SV2C: variants seen among roughly 807,000 people sequenced by gnomAD.
SV2C encodes solute carrier family 22 member B3.
Under a neutral mutation model 79.7 loss-of-function variants are expected in SV2C, and 49 were observed. The ratio of observed to expected loss-of-function variants is 0.61; its 90% CI spans 0.49 to 0.78. The LOEUF is 0.78. Ranked by LOEUF, SV2C falls within the 30% of genes least tolerant of loss-of-function variation. The probability of loss-of-function intolerance (pLI) is 0.00; values close to 1 mark genes in which losing one functional copy is unlikely to be tolerated. For missense variants in SV2C, 833 were observed against 912.9 expected, an observed-to-expected ratio of 0.91 and a Z score of 1.13; for synonymous variants, 334 against 333.2, an observed-to-expected ratio of 1.00 and a Z score of -0.03.
At chr5:76,178,156 G>A (rs1361779981) in intron 2 of SV2C, among the ~76,000 whole-genome samples, 1 of 152,188 alleles carries the variant, frequency 6.6e-6, no homozygotes, top group Non-Finnish European at 1.5e-5. Flanking sequence ...AAGTGCTATG[G>A]TAGACAAGGT....
At chr5:75,957,477 G>C in the SV2C span, among the ~76,000 whole-genome samples, 1 of 152,020 alleles carries the variant, frequency 6.6e-6, no homozygotes, top group Non-Finnish European at 1.5e-5. Flanking sequence ...TCTGGTGACT[G>C]TCTTATCTCC....
chr5:75,968,784 A>C, the SV2C span, among the ~76,000 whole-genome samples: 1 of 152,240 alleles, frequency 6.6e-6, no homozygotes, highest in East Asian at 1.9e-4. Context: ...TCCCCAACCT[A>C]TCAAAGTAGG....
chr5:76,144,724 C>T (rs1000124130), intron 2 of SV2C, among the ~76,000 whole-genome samples: 3 of 152,156 alleles, frequency 2.0e-5, no homozygotes, highest in African/African-American at 7.2e-5. Flanking sequence ...AGATGAGAAC[C>T]TTTTAAAGGG....
chr5:75,864,541 G>A, the SV2C span, among the ~76,000 whole-genome samples: 1 of 152,154 alleles, frequency 6.6e-6, no homozygotes, highest in South Asian at 2.1e-4. Flanking sequence ...CTGGGTCCCT[G>A]AAACAAGGAC....
chr5:76,057,190 T>G, the SV2C span, among the ~76,000 whole-genome samples: 1 of 152,192 alleles, frequency 6.6e-6, no homozygotes, highest in Non-Finnish European at 1.5e-5. Flanking sequence ...TCTAATACAG[T>G]GTCTCTTTGT....
At chr5:76,096,385 T>C (rs1239656191) in intron 1 of SV2C, among the ~76,000 whole-genome samples, 8 of 152,200 alleles carry the variant, frequency 5.3e-5, no homozygotes, top group Admixed American at 5.2e-4. Context: ...TGCCACATCA[T>C]GCTGCTTACA....
intron 2 of SV2C, among the ~76,000 whole-genome samples, chr5:76,180,459 C>T (rs557574574): frequency 3.0e-4 from 45 of 152,312 alleles, no homozygotes; most frequent in Non-Finnish European, 5.3e-4. Context: ...ATTACATCTG[C>T]GGCTGTGGTT....
intron 3 of SV2C, among the ~76,000 whole-genome samples, chr5:76,202,439 C>T (rs1308347616): frequency 1.3e-5 from 2 of 152,134 alleles, no homozygotes; most frequent in Non-Finnish European, 2.9e-5. Context: ...GTTTCATACC[C>T]AGGCAGTCTG....
chr5:76,058,220 G>A, the SV2C span, among the ~76,000 whole-genome samples: 113 of 152,212 alleles, frequency 7.4e-4, no homozygotes, highest in Middle Eastern at 6.8e-3. Context: ...CTACACCTGA[G>A]CTTCCTTAAT....
the SV2C span, among the ~76,000 whole-genome samples, chr5:76,063,297 T>C: frequency 6.6e-6 from 1 of 152,150 alleles, no homozygotes; most frequent in Non-Finnish European, 1.5e-5. Flanking sequence ...TAGGAATTCT[T>C]TCCTCATTTT....
the SV2C span, among the ~76,000 whole-genome samples, chr5:75,864,134 G>C: frequency 2.6e-5 from 4 of 152,048 alleles, no homozygotes; most frequent in African/African-American, 9.7e-5. Flanking sequence ...TCATGGTTAT[G>C]ATTTATTGGA....
the SV2C span, among the ~76,000 whole-genome samples, chr5:75,962,610 T>G: frequency 6.6e-6 from 1 of 152,128 alleles, no homozygotes; most frequent in South Asian, 2.1e-4. Context: ...TCATCCAGGT[T>G]TACATCTACT....
At chr5:76,048,824 A>T in the SV2C span, among the ~76,000 whole-genome samples, 11 of 119,170 alleles carry the variant, frequency 9.2e-5, no homozygotes, top group South Asian at 6.2e-4. Flanking sequence ...AAAAAAAAAA[A>T]AATTTTGGGG....
At chr5:75,902,259 C>G in the SV2C span, among the ~76,000 whole-genome samples, 8,974 of 152,240 alleles carry the variant, frequency 0.059, 317 homozygotes, top group Admixed American at 0.083. Flanking sequence ...TTCTTAACCA[C>G]TTGCTTTTGA....
upstream of SV2C, chr5:76,079,624 C>G: frequency 2.9e-6 from 1 of 345,910 alleles, no homozygotes; most frequent in Non-Finnish European, 5.7e-6. Flanking sequence ...CAAACTGTGT[C>G]AATCTGACAG....
the SV2C span, among the ~76,000 whole-genome samples, chr5:76,036,970 C>T: frequency 2.0e-5 from 3 of 152,128 alleles, no homozygotes; most frequent in African/African-American, 7.2e-5. Context: ...CTCTAAACTT[C>T]CCTTCTTGCT....
the SV2C span, among the ~76,000 whole-genome samples, chr5:75,929,619 A>G: frequency 6.6e-6 from 1 of 152,128 alleles, no homozygotes; most frequent in Non-Finnish European, 1.5e-5. Context: ...GCTAATTACC[A>G]CATGCATATA....
chr5:76,209,846 T>C lies in SV2C; in HGVS notation c.872T>C (p.Ile291Thr), dbSNP rs1222965588. Reference protein sequence around the residue: ...WLCMFWMIGGIYASAMAWAII... With the variant: ...WLCMFWMIGGTYASAMAWAII... ...TGCATGTTCTGGATGATCGGTGGCA[T>C]CTACGCCTCTGCCATGGCCTGGGCC... Residue 291 changes from isoleucine (I) to threonine (T), a missense_variant, in exon 4 of 13, where the codon ATC (isoleucine) becomes ACC (threonine). Transcript: ENST00000502798. 2 of 1,614,198 alleles carry C rather than the reference T, an allele frequency of 1.2e-6. No homozygotes were observed. The highest frequency in any genetic ancestry group is 2.2e-5 in the East Asian group (1 of 44,880).
the SV2C span, among the ~76,000 whole-genome samples, chr5:75,866,542 G>C: frequency 6.6e-6 from 1 of 152,172 alleles, no homozygotes; most frequent in Non-Finnish European, 1.5e-5. Context: ...TGAAATTTGG[G>C]TCTACCCTGC....
Sources: allele counts gnomAD v4.1 joint callset (sites outside exome capture counted in the v4.1 genomes callset), GRCh38; gene constraint gnomAD v4.1.1; transcripts MANE v1.5; gene names NCBI Gene and HGNC (gene_info 2026-07-23, HGNC 2026-07-21).